The following DTNA variants were observed in gnomAD, a reference collection of about 807,000 sequenced individuals.
The protein encoded by DTNA is dystrophin-related protein 3.
DTNA carries 43 observed loss-of-function variants against 100.7 expected under a neutral mutation model. The observed-to-expected ratio is 0.43, with a 90% CI of 0.33 to 0.55. The LOEUF is 0.55. Ranked by LOEUF, DTNA falls within the 20% of genes least tolerant of loss-of-function variation. The probability of loss-of-function intolerance (pLI) is 0.04; values close to 1 mark genes in which losing one functional copy is unlikely to be tolerated. For synonymous variants in DTNA, 349 were observed against 347.9 expected, an observed-to-expected ratio of 1.00 and a Z score of -0.04; for missense variants, 798 against 953.9, an observed-to-expected ratio of 0.84 and a Z score of 2.15.
At chr18:34,619,426 T>C (rs1438556215) in intron 1 of DTNA, among the ~76,000 whole-genome samples, 2 of 152,042 alleles carry the variant, frequency 1.3e-5, no homozygotes, top group Admixed American at 1.3e-4. Context: ...AAAGAAGCAA[T>C]ATACCACAAA....
At chr18:34,681,483 G>A (rs1477540541) in intron 1 of DTNA, among the ~76,000 whole-genome samples, 1 of 152,046 alleles carries the variant, frequency 6.6e-6, no homozygotes, top group Non-Finnish European at 1.5e-5. Context: ...CAGAAGTCCT[G>A]CTCACGTGAG....
chr18:34,825,198 T>C, intron 9 of DTNA: 1 of 1,600,518 alleles, frequency 6.2e-7, no homozygotes, highest in Non-Finnish European at 8.6e-7. Flanking sequence ...TGTTCTTAGC[T>C]ATTGTATTGC....
At position 34,551,148 on chromosome 18, in the gene DTNA, GT is replaced by G. The variant is rs1291480243; in HGVS notation, c.-2+57635del. Among the ~76,000 whole-genome samples, 4 of 152,244 alleles carry G rather than the reference GT, an allele frequency of 2.6e-5. No homozygotes were observed. In the East Asian group the frequency reaches 7.8e-4, roughly 30 times the overall value. ...CATGCTCTCCTGATGGATCTGTCTT[GT>G]CAACCATAAAGAGAAAAGAGTTTTG... On this transcript the variant is annotated intron_variant, in intron 1 of 19. Coordinates refer to the DTNA transcript ENST00000283365.
chr18:34,574,812 T>A (rs1354087734), intron 1 of DTNA, among the ~76,000 whole-genome samples: 3 of 152,140 alleles, frequency 2.0e-5, no homozygotes, highest in African/African-American at 7.2e-5. Context: ...TTATTTTTAT[T>A]ACTATTTTTG....
intron 3 of DTNA, among the ~76,000 whole-genome samples, chr18:34,772,945 C>T (rs927643112): frequency 2.6e-5 from 4 of 152,196 alleles, no homozygotes; most frequent in Non-Finnish European, 5.9e-5. Context: ...ATTGGGGCCC[C>T]GTTTCCTTGC....
intron 1 of DTNA, among the ~76,000 whole-genome samples, chr18:34,602,927 G>T (rs1377721469): frequency 6.6e-6 from 1 of 151,632 alleles, no homozygotes; most frequent in Non-Finnish European, 1.5e-5. Context: ...CGCCTGAACC[G>T]GTGAGGCAGA....
intron 1 of DTNA, among the ~76,000 whole-genome samples, chr18:34,605,651 A>G (rs1299565666): frequency 6.6e-6 from 1 of 151,850 alleles, no homozygotes; most frequent in African/African-American, 2.4e-5. Context: ...ACACACACAC[A>G]CACACACACA....
chr18:34,589,811 T>C (rs1240189793), intron 1 of DTNA, among the ~76,000 whole-genome samples: 8 of 152,194 alleles, frequency 5.3e-5, no homozygotes, highest in Non-Finnish European at 1.2e-4. Context: ...ACTCTATTTC[T>C]ATATATTTGA....
chr18:34,503,239 A>G (rs534171001), intron 1 of DTNA, among the ~76,000 whole-genome samples: 2 of 113,902 alleles, frequency 1.8e-5, no homozygotes, highest in Non-Finnish European at 3.8e-5. Flanking sequence ...CATATTTTAT[A>G]TTTTATTTGA....
intron 1 of DTNA, among the ~76,000 whole-genome samples, chr18:34,548,711 C>G (rs1330619311): frequency 6.6e-6 from 1 of 152,102 alleles, no homozygotes; most frequent in African/African-American, 2.4e-5. Context: ...ATATCTGCCT[C>G]TACCTCTTGG....
At chr18:34,790,549 C>CTATATATATATA (rs67141918) in intron 3 of DTNA, among the ~76,000 whole-genome samples, 14 of 96,196 alleles carry the variant, frequency 1.5e-4, no homozygotes, top group African/African-American at 6.5e-4. Flanking sequence ...AAGCAGCATA[C>CTATATATATATA]TATATATATA....
intron 1 of DTNA, among the ~76,000 whole-genome samples, chr18:34,652,181 G>A (rs2060534942): frequency 6.6e-6 from 1 of 151,772 alleles, no homozygotes; most frequent in African/African-American, 2.4e-5. Flanking sequence ...AAGGTGAGTA[G>A]GAGTTAGCCA....
chr18:34,698,126 C>A (rs1268650533), intron 1 of DTNA, among the ~76,000 whole-genome samples: 1 of 152,176 alleles, frequency 6.6e-6, no homozygotes, highest in Non-Finnish European at 1.5e-5. Flanking sequence ...TCCACTCGTC[C>A]TGTGCCCAGT....
intron 1 of DTNA, among the ~76,000 whole-genome samples, chr18:34,527,300 C>T (rs1368963202): frequency 6.6e-6 from 1 of 151,972 alleles, no homozygotes; most frequent in Non-Finnish European, 1.5e-5. Context: ...AGTCATACTT[C>T]CCACAAACCA....
chr18:34,629,543 C>T (rs2057792888), intron 1 of DTNA, among the ~76,000 whole-genome samples: 1 of 152,174 alleles, frequency 6.6e-6, no homozygotes, highest in African/African-American at 2.4e-5. Context: ...GCTATCTGTT[C>T]TCCTGGGATA....
At chr18:34,882,343 G>T (rs979172826) in intron 21 of DTNA, 142 bp downstream of exon 21, 24 of 1,156,918 alleles carry the variant, frequency 2.1e-5, no homozygotes, top group Admixed American at 2.6e-5. Flanking sequence ...TCCTTAATCC[G>T]TGTCTTTTAG....
rs964751106 is a variant in DTNA at position 34,818,656 on chromosome 18, A to G, written c.876+326A>G. 4.4e-6 allele frequency: 5 copies of G among 1,149,402 alleles called. No homozygotes were observed. The East Asian group carries it at 1.7e-4, about 38-fold the overall frequency. The allele number at this position is 1,149,402 out of a possible 1,614,324, so 71.2% of individuals were successfully genotyped here. On this transcript the variant is annotated intron_variant, in intron 8 of 22. Transcript: ENST00000444659. ...ATAATCTTACATTCACAGTAAGTTA[A>G]AATCTTTTCCAAGTTTTGTTTTGTG... is the stretch of plus-strand genomic sequence containing the variant.
At chr18:34,857,475 C>T (rs1259497742) in intron 15 of DTNA, among the ~76,000 whole-genome samples, 5 of 152,186 alleles carry the variant, frequency 3.3e-5, no homozygotes, top group Non-Finnish European at 1.5e-5. Flanking sequence ...GCTTCTGACT[C>T]ACTTAGGGAT....
At chr18:34,563,919 A>G (rs1327642250) in intron 1 of DTNA, among the ~76,000 whole-genome samples, 1 of 152,116 alleles carries the variant, frequency 6.6e-6, no homozygotes, top group Admixed American at 6.5e-5. Context: ...ACACTTCCTC[A>G]TCAGTTTAAG....
Sources: gnomAD v4.1 joint callset for allele counts (sites outside exome capture counted in the v4.1 genomes callset) on GRCh38, gnomAD v4.1.1 for gene constraint, MANE v1.5 for transcripts, NCBI Gene and HGNC (gene_info 2026-07-23, HGNC 2026-07-21) for gene names.